Variants in ZNF160 observed in about 807,000 individuals in gnomAD.
The protein encoded by ZNF160 is zinc finger protein 160.
ZNF160 carries 9 observed loss-of-function variants against 13.1 expected under a neutral mutation model. The observed-to-expected ratio is 0.69, with a 90% CI of 0.41 to 1.20. ZNF160 has a LOEUF of 1.20. Ranked by LOEUF, ZNF160 falls within the 50% of genes most tolerant of loss-of-function variation. The pLI is 0.01. For synonymous variants in ZNF160, 293 were observed against 333.2 expected, an observed-to-expected ratio of 0.88 and a Z score of 1.31; for missense variants, 838 against 988.0, an observed-to-expected ratio of 0.85 and a Z score of 2.04.
intron 1 of ZNF160, among the ~76,000 whole-genome samples, chr19:53,102,437 C>T (rs993683032): frequency 1.3e-5 from 2 of 152,184 alleles, no homozygotes; most frequent in Non-Finnish European, 2.9e-5. Context: ...CCTTTCTCCT[C>T]TCCCCCACTC....
At chr19:53,070,956 G>A (rs907342964) in intron 5 of ZNF160, among the ~76,000 whole-genome samples, 1 of 152,004 alleles carries the variant, frequency 6.6e-6, no homozygotes, top group African/African-American at 2.4e-5. Context: ...CCAGCACTTT[G>A]GGAGGCTAAG....
rs1264085583 is a variant in ZNF160 at position 53,074,238 on chromosome 19, G to C, written c.173C>G (p.Ser58Cys). 6.8e-6 allele frequency: 11 copies of C among 1,613,854 alleles called. No individual in the cohort carries two copies. The highest frequency in any genetic ancestry group is 9.3e-6 in the Non-Finnish European group (11 of 1,179,994). Residue 58 changes from serine (S) to cysteine (C), a missense_variant, in exon 5 of 6, where the codon TCC (serine) becomes TGC (cysteine). This residue lies in a region of ZNF160 where 387 missense variants were observed against 402.3 expected (regional missense o/e 0.96). Coordinates refer to ENST00000683776, the MANE Select transcript of ZNF160 (RefSeq NM_001322131.2). ...GLCHFDMNII[S>C]MLEEGKEPWT... ...GGGCTCTTTCCCTTCCTCCAACATGGAGATAATATTCATATCAAAATGACA... is the reference window on the plus strand; with the variant it reads ...GGGCTCTTTCCCTTCCTCCAACATGCAGATAATATTCATATCAAAATGACA...
Position 53,068,096 on chromosome 19 carries a change from C to G in ZNF160, c.2438G>C (p.Gly813Ala), listed in dbSNP as rs749521485. 3 of 1,607,954 alleles carry G rather than the reference C, an allele frequency of 1.9e-6. No homozygotes were observed. The highest frequency in any genetic ancestry group is 2.5e-6 in the Non-Finnish European group (3 of 1,176,678). Residue 813 changes from glycine (G) to alanine (A), a missense_variant, in exon 6 of 6, where the codon GGA (glycine) becomes GCA (alanine). This residue lies in a region of ZNF160 where 51 missense variants were observed against 46.9 expected (regional missense o/e 1.09). Transcript: ENST00000683776. ...NLASHHRMHT[G>A]EKPYK ...CCACACTCATTTGTAAGGTTTCTCT[C>G]CGGTATGCATTCTGTGATGACTTGC...
chr19:53,073,821 G>C (rs2084275616), intron 5 of ZNF160, among the ~76,000 whole-genome samples: 1 of 151,924 alleles, frequency 6.6e-6, no homozygotes, highest in Admixed American at 6.6e-5. Flanking sequence ...GTTTTGTTCT[G>C]TCCACCCAGG....
intron 2 of ZNF160, among the ~76,000 whole-genome samples, chr19:53,090,750 A>C (rs1240478061): frequency 1.3e-5 from 2 of 152,308 alleles, no homozygotes; most frequent in East Asian, 3.9e-4. Context: ...TCCCAGGACC[A>C]GGGCGAGGAC....
Position 53,069,523 on chromosome 19 carries a change from T to C in ZNF160, c.1011A>G (p.Gly337=). The C allele has an allele frequency of 6.2e-7, 1 of 1,614,132 alleles. No individual in the cohort carries two copies. The highest frequency in any genetic ancestry group is 1.1e-5 in the South Asian group (1 of 91,070). ...YLATHRRIHT[G]EKPYKCNECG... is the part of the protein sequence containing the mutation. ...ACTCATTACACTTGTAAGGTTTCTC[T>C]CCAGTATGAATTCGCCGATGAGTTG... Residue 337 remains glycine (G), a synonymous_variant, in exon 6 of 6, where the codon GGA becomes GGG. Transcript: ENST00000683776. The surrounding 1 kb of genome is among the most constrained non-coding windows in gnomAD (Gnocchi z 4.4).
At chr19:53,087,488 G>A (rs1052618132) in intron 2 of ZNF160, among the ~76,000 whole-genome samples, 1 of 152,166 alleles carries the variant, frequency 6.6e-6, no homozygotes, top group Non-Finnish European at 1.5e-5. Context: ...CCTTAGCTGA[G>A]ATGTGCAAGA....
At chr19:53,074,912 G>T in intron 4 of ZNF160, 145 bp downstream of exon 4, 1 of 1,063,624 alleles carries the variant, frequency 9.4e-7, no homozygotes, top group Non-Finnish European at 1.4e-6. Flanking sequence ...TAAAGTCCAG[G>T]TTTCCCATGA....
intron 3 of ZNF160, among the ~76,000 whole-genome samples, chr19:53,079,210 G>A (rs62115401): frequency 0.18 from 27,794 of 151,774 alleles, 3,156 homozygotes; most frequent in East Asian, 0.3. Flanking sequence ...CATCTCAATC[G>A]GTGCAAAAAA....
At chr19:53,073,336 C>A (rs329733) in intron 5 of ZNF160, 1 of 1,597,186 alleles carries the variant, frequency 6.3e-7, no homozygotes, top group Non-Finnish European at 8.5e-7. Flanking sequence ...TGAGAACAAT[C>A]TTAGAAGATA....
At chr19:53,072,521 A>T (rs1417849174) in intron 5 of ZNF160, among the ~76,000 whole-genome samples, 1 of 152,150 alleles carries the variant, frequency 6.6e-6, no homozygotes, top group Non-Finnish European at 1.5e-5. Context: ...TGCATATATA[A>T]AATGTTCTTG....
At chr19:53,094,712 C>T (rs8104069) in intron 1 of ZNF160, among the ~76,000 whole-genome samples, 85,708 of 152,048 alleles carry the variant, frequency 0.56, 24,531 homozygotes, top group Non-Finnish European at 0.6. Context: ...AAGCAGGAAG[C>T]GTCCCTGGAC....
intron 3 of ZNF160, chr19:53,085,373 C>A (rs2084791972): frequency 1.4e-5 from 3 of 213,092 alleles, no homozygotes; most frequent in Non-Finnish European, 2.4e-5. Context: ...ACAGTGGCTC[C>A]CCACTAAGAT....
chr19:53,100,922 G>A (rs1389661744), intron 1 of ZNF160, among the ~76,000 whole-genome samples: 1 of 151,628 alleles, frequency 6.6e-6, no homozygotes, highest in African/African-American at 2.4e-5. Flanking sequence ...GGTGGAGGTG[G>A]CAGTGAGCCA....
At chr19:53,093,896 T>C (rs1600905287) in intron 1 of ZNF160, among the ~76,000 whole-genome samples, 1 of 152,270 alleles carries the variant, frequency 6.6e-6, no homozygotes, top group Non-Finnish European at 1.5e-5. Context: ...TTTCAGCTAA[T>C]TGAAAAAATG....
In ZNF160 at chr19:53,068,077, T is replaced by C. The variant is rs2084020417; in HGVS notation, c.2457A>G (p.Ter819TrpextTer3). The C allele has an allele frequency of 5.0e-6, 8 of 1,596,392 alleles. No individual in the cohort carries two copies. The highest frequency in any genetic ancestry group is 6.8e-6 in the Non-Finnish European group (8 of 1,170,522). The change falls in exon 6 of 6, where the codon TGA (stop) becomes TGG (tryptophan). Residue 819 changes from the stop codon to tryptophan (W), a stop_lost. Transcript: ENST00000683776. The stretch of plus-strand genomic sequence containing the variant: ...ATTGTACCTAATGACCTCACCACAC[T>C]CATTTGTAAGGTTTCTCTCCGGTAT... ...RMHTGEKPYK[*>W]
At chr19:53,073,475 G>A (rs1419287795) in intron 5 of ZNF160, 3 of 1,598,208 alleles carry the variant, frequency 1.9e-6, no homozygotes, top group South Asian at 1.1e-5. Context: ...AGATGCCAAG[G>A]AGCAGCAGCC....
chr19:53,082,063 G>C (rs960025587), intron 3 of ZNF160, among the ~76,000 whole-genome samples: 5 of 152,012 alleles, frequency 3.3e-5, no homozygotes, highest in African/African-American at 1.2e-4. Context: ...CTAAACACTG[G>C]GTGCACACAA....
rs141182559 is a variant in ZNF160 at position 53,086,408 on chromosome 19, A to AT, written c.-45-88dup. On this transcript the variant is annotated intron_variant, in intron 2 of 5. Coordinates refer to ENST00000683776, the MANE Select transcript of ZNF160 (RefSeq NM_001322131.2). Reference sequence around the variant, plus strand: ...GGCTGAGAATCTATACATCCCCTTCATGTGCCACAGTCACACGCACAGATC... The same window carrying AT: ...GGCTGAGAATCTATACATCCCCTTCATTGTGCCACAGTCACACGCACAGATC... 7.9e-4 allele frequency: 941 copies of AT among 1,187,394 alleles called. 14 individuals carry two copies. The East Asian group carries it at 0.022, about 28-fold the overall frequency. The allele number at this position is 1,187,394 out of a possible 1,614,324, so 73.6% of individuals were successfully genotyped here.
Sources: allele counts gnomAD v4.1 joint callset (sites outside exome capture counted in the v4.1 genomes callset), GRCh38; gene constraint gnomAD v4.1.1; regional missense constraint gnomAD v4.1.1; non-coding constraint Gnocchi (gnomAD v3.1); transcripts MANE v1.5; gene names NCBI Gene and HGNC (gene_info 2026-07-23, HGNC 2026-07-21).